MAF: variants seen among roughly 807,000 people sequenced by gnomAD.
MAF encodes the protein transcription factor Maf.
In MAF, 10 loss-of-function variants were observed where a neutral mutation model predicts 22.0. The ratio of observed to expected loss-of-function variants is 0.45; its 90% CI spans 0.28 to 0.77. The LOEUF is 0.77. Ranked by LOEUF, MAF falls within the 30% of genes least tolerant of loss-of-function variation. The pLI is 0.12. For missense variants in MAF, 544 were observed against 548.4 expected, an observed-to-expected ratio of 0.99 and a Z score of 0.08; for synonymous variants, 337 against 255.8, an observed-to-expected ratio of 1.32 and a Z score of -3.03.
chr16:79,273,062 A>G, the MAF span, among the ~76,000 whole-genome samples: 88 of 152,358 alleles, frequency 5.8e-4, 2 homozygotes, highest in Non-Finnish European at 3.4e-4. Flanking sequence ...ACAATGTGGG[A>G]AAATTCACCA....
chr16:79,579,197 A>G, the MAF span, among the ~76,000 whole-genome samples: 1 of 152,236 alleles, frequency 6.6e-6, no homozygotes, highest in African/African-American at 2.4e-5. Context: ...ATACTCCTTC[A>G]TGAAAAAGTA....
At chr16:79,338,782 C>T in the MAF span, among the ~76,000 whole-genome samples, 4 of 152,118 alleles carry the variant, frequency 2.6e-5, no homozygotes, top group Admixed American at 2.0e-4. Context: ...AGTTGCTTAC[C>T]CCATCCGAGC....
At chr16:79,319,805 G>A in the MAF span, among the ~76,000 whole-genome samples, 2 of 152,182 alleles carry the variant, frequency 1.3e-5, no homozygotes, top group Admixed American at 1.3e-4. Flanking sequence ...TTGAGGGAGA[G>A]AAACAATGAC....
At chr16:79,567,912 G>T in the MAF span, among the ~76,000 whole-genome samples, 1 of 152,212 alleles carries the variant, frequency 6.6e-6, no homozygotes, top group South Asian at 2.1e-4. Context: ...AGAGCTGAAA[G>T]TTAAGCTTAA....
At chr16:79,246,901 T>TG in the MAF span, among the ~76,000 whole-genome samples, 21,565 of 152,256 alleles carry the variant, frequency 0.14, 2,297 homozygotes, top group African/African-American at 0.3. Context: ...CTGTTGACTC[T>TG]GTGCCAGGTA....
chr16:79,273,414 G>A, the MAF span, among the ~76,000 whole-genome samples: 1 of 152,180 alleles, frequency 6.6e-6, no homozygotes, highest in Non-Finnish European at 1.5e-5. Context: ...TCCATTTGCT[G>A]CTGTAACAAA....
chr16:79,251,249 C>A, the MAF span, among the ~76,000 whole-genome samples: 33 of 151,820 alleles, frequency 2.2e-4, no homozygotes, highest in Non-Finnish European at 3.7e-4. Flanking sequence ...ACATCAAGGA[C>A]TCATTGTTAA....
chr16:79,533,706 C>T, the MAF span, among the ~76,000 whole-genome samples: 1 of 152,152 alleles, frequency 6.6e-6, no homozygotes, highest in African/African-American at 2.4e-5. Flanking sequence ...GACTTCCCGT[C>T]ACCTTTATTT....
the MAF span, among the ~76,000 whole-genome samples, chr16:79,268,687 C>G: frequency 3.9e-5 from 6 of 152,152 alleles, no homozygotes; most frequent in Admixed American, 2.0e-4. Flanking sequence ...TGAAAGAAAT[C>G]AAACTACCCA....
the MAF span, among the ~76,000 whole-genome samples, chr16:79,268,047 G>C: frequency 1.3e-5 from 2 of 152,248 alleles, no homozygotes; most frequent in African/African-American, 4.8e-5. Flanking sequence ...CTCTAGGGGA[G>C]CTGGGTCTCT....
the MAF span, among the ~76,000 whole-genome samples, chr16:79,487,664 T>C: frequency 6.6e-6 from 1 of 152,156 alleles, no homozygotes; most frequent in Non-Finnish European, 1.5e-5. Flanking sequence ...TATTACCCAA[T>C]ATGCAAAAGG....
the MAF span, among the ~76,000 whole-genome samples, chr16:79,285,530 C>T: frequency 5.3e-5 from 8 of 152,134 alleles, no homozygotes; most frequent in Admixed American, 2.0e-4. Context: ...TTGTGCAAAA[C>T]GCAAGCTCCT....
the MAF span, among the ~76,000 whole-genome samples, chr16:79,474,878 G>A: frequency 2.9e-3 from 446 of 152,270 alleles, 2 homozygotes; most frequent in Non-Finnish European, 5.1e-3. Flanking sequence ...AGATCTAAAA[G>A]CAAAGGAGTG....
chr16:79,244,410 T>A, the MAF span, among the ~76,000 whole-genome samples: 2 of 152,074 alleles, frequency 1.3e-5, no homozygotes, highest in Non-Finnish European at 2.9e-5. Flanking sequence ...CAAGCAGTTC[T>A]GTACATCAAT....
At chr16:79,422,041 A>C in the MAF span, among the ~76,000 whole-genome samples, 4 of 152,110 alleles carry the variant, frequency 2.6e-5, no homozygotes, top group Non-Finnish European at 5.9e-5. Context: ...GCCTCCCAAA[A>C]TGCTAGGATT....
the MAF span, among the ~76,000 whole-genome samples, chr16:79,305,207 T>C: frequency 6.6e-6 from 1 of 152,164 alleles, no homozygotes; most frequent in Non-Finnish European, 1.5e-5. Context: ...GTGAACTGTT[T>C]CTATTACTTG....
At chr16:79,529,833 C>T in the MAF span, among the ~76,000 whole-genome samples, 2 of 151,938 alleles carry the variant, frequency 1.3e-5, no homozygotes, top group African/African-American at 4.8e-5. Flanking sequence ...TGGTGGTGCA[C>T]ACCTGTAATC....
At chr16:79,502,747 A>ATATATATG in the MAF span, among the ~76,000 whole-genome samples, 1 of 117,178 alleles carries the variant, frequency 8.5e-6, no homozygotes, top group Non-Finnish European at 1.7e-5. Flanking sequence ...ATATATATAT[A>ATATATATG]TATATATAAA....
chr16:79,482,647 C>T, the MAF span, among the ~76,000 whole-genome samples: 69 of 152,234 alleles, frequency 4.5e-4, no homozygotes, highest in African/African-American at 1.4e-3. Context: ...CAGTGAAGCA[C>T]GGAGCATGCT....
Sources: gnomAD v4.1 joint callset for allele counts (sites outside exome capture counted in the v4.1 genomes callset) on GRCh38, gnomAD v4.1.1 for gene constraint, MANE v1.5 for transcripts, NCBI Gene and HGNC (gene_info 2026-07-23, HGNC 2026-07-21) for gene names.